The following CAMKMT variants were observed in gnomAD, a reference collection of about 807,000 sequenced individuals.
The protein encoded by CAMKMT is calmodulin-lysine N-methyltransferase, also known as CaM KMT.
In CAMKMT, 53 loss-of-function variants were observed where a neutral mutation model predicts 48.0. The observed-to-expected ratio is 1.10, with a 90% CI of 0.89 to 1.39. The LOEUF (loss-of-function observed/expected upper bound fraction) is 1.39. Ranked by LOEUF, CAMKMT falls within the 40% of genes most tolerant of loss-of-function variation. The probability of loss-of-function intolerance (pLI) is 0.00; values close to 1 mark genes in which losing one functional copy is unlikely to be tolerated. For synonymous variants in CAMKMT, 165 were observed against 152.3 expected (o/e 1.08, Z -0.61); for missense variants, 428 against 402.7 (o/e 1.06, Z -0.54).
In CAMKMT at chr2:44,521,190, A is replaced by G. The variant is rs531137246; in HGVS notation, c.376+130885A>G. Reference sequence around the variant, plus strand: ...AATGGTATGGATTTACGTTTATTAGATGCTCTGCTCATGGTAATACTGTTT... The same window carrying G: ...AATGGTATGGATTTACGTTTATTAGGTGCTCTGCTCATGGTAATACTGTTT... On this transcript the variant is annotated intron_variant, in intron 3 of 10. Coordinates refer to ENST00000378494, the MANE Select transcript of CAMKMT (RefSeq NM_024766.5). Among the ~76,000 whole-genome samples the G allele has an allele frequency of 7.2e-4, 110 of 152,344 alleles. 1 individual carries two copies. The highest frequency in any genetic ancestry group is 2.5e-3 in the African/African-American group (106 of 41,580).
intron 3 of CAMKMT, among the ~76,000 whole-genome samples, chr2:44,448,456 C>T (rs560084726): frequency 3.9e-5 from 6 of 152,066 alleles, no homozygotes; most frequent in African/African-American, 1.4e-4. Flanking sequence ...GGCTGTACAC[C>T]CAGGTATAAG....
At chr2:44,460,424 T>G (rs1202988773) in intron 3 of CAMKMT, among the ~76,000 whole-genome samples, 1 of 152,222 alleles carries the variant, frequency 6.6e-6, no homozygotes, top group Non-Finnish European at 1.5e-5. Context: ...ATTGTGAGTC[T>G]TTTTAGTGAT....
At chr2:44,437,361 C>G (rs1021701801) in intron 3 of CAMKMT, among the ~76,000 whole-genome samples, 2 of 152,074 alleles carry the variant, frequency 1.3e-5, no homozygotes, top group Non-Finnish European at 2.9e-5. Context: ...TGCTTCAATC[C>G]CTTTGCTTAA....
intron 3 of CAMKMT, among the ~76,000 whole-genome samples, chr2:44,525,979 G>C (rs1250841506): frequency 6.6e-6 from 1 of 151,980 alleles, no homozygotes; most frequent in African/African-American, 2.4e-5. Flanking sequence ...TTTAGCATTA[G>C]GTATATCTCC....
At chr2:44,525,372 C>T (rs1011915214) in intron 3 of CAMKMT, among the ~76,000 whole-genome samples, 6 of 152,084 alleles carry the variant, frequency 3.9e-5, no homozygotes, top group Non-Finnish European at 7.4e-5. Flanking sequence ...TCTCCTGCCT[C>T]AGCCTCCGAG....
rs1666635661 is a variant in CAMKMT at position 44,534,117 on chromosome 2, A to G, written c.376+143812A>G. On this transcript the variant is annotated intron_variant, in intron 3 of 10. Coordinates refer to ENST00000378494, the MANE Select transcript of CAMKMT (RefSeq NM_024766.5). ...ACAGACTTTAAGTCAAAACAGTAAA[A>G]AGACACAAAGAAAAGTTATATAATG... 2.6e-5 allele frequency among the ~76,000 whole-genome samples: 4 copies of G among 152,214 alleles called. No homozygotes were observed. In the South Asian group the frequency reaches 8.3e-4, roughly 31 times the overall value.
intron 2 of CAMKMT, among the ~76,000 whole-genome samples, chr2:44,388,657 G>C (rs778392217): frequency 1.3e-4 from 20 of 152,120 alleles, no homozygotes; most frequent in Admixed American, 9.8e-4. Context: ...GGAAGGTCTA[G>C]GGCTGAAGGC....
chr2:44,544,196 T>C (rs186182707), intron 3 of CAMKMT, among the ~76,000 whole-genome samples: 1 of 152,208 alleles, frequency 6.6e-6, no homozygotes, highest in East Asian at 1.9e-4. Flanking sequence ...GTCAATGAAA[T>C]TCTTTTCCTG....
chr2:44,644,744 G>A (rs1211072471), intron 3 of CAMKMT, among the ~76,000 whole-genome samples: 1 of 152,130 alleles, frequency 6.6e-6, no homozygotes, highest in Non-Finnish European at 1.5e-5. Flanking sequence ...GACTTTTATA[G>A]CTTGGGGTTT....
intron 3 of CAMKMT, among the ~76,000 whole-genome samples, chr2:44,502,926 A>T (rs563586843): frequency 6.6e-6 from 1 of 152,198 alleles, no homozygotes; most frequent in East Asian, 1.9e-4. Context: ...AACTCATCTA[A>T]TTATTTTTAG....
chr2:44,550,544 C>T (rs1174713578), intron 3 of CAMKMT: 2 of 152,198 alleles, frequency 1.3e-5, no homozygotes, highest in African/African-American at 4.8e-5. Context: ...TAAATGTCTA[C>T]TATAAAGTTA....
At chr2:44,493,021 G>A (rs1669584814) in intron 3 of CAMKMT, among the ~76,000 whole-genome samples, 1 of 151,750 alleles carries the variant, frequency 6.6e-6, no homozygotes, top group South Asian at 2.1e-4. Flanking sequence ...AGCCTCCTGA[G>A]TAGCTGGGAT....
intron 3 of CAMKMT, among the ~76,000 whole-genome samples, chr2:44,683,637 A>G (rs1227674698): frequency 6.6e-6 from 1 of 151,992 alleles, no homozygotes; most frequent in African/African-American, 2.4e-5. Flanking sequence ...TGGCTAACAC[A>G]GTGAAACCCC....
At chr2:44,531,558 A>C (rs567565875) in intron 3 of CAMKMT, among the ~76,000 whole-genome samples, 1 of 152,292 alleles carries the variant, frequency 6.6e-6, no homozygotes, top group African/African-American at 2.4e-5. Flanking sequence ...CCATAGGGTT[A>C]TTAGTCATGG....
chr2:44,728,662 A>T (rs1678918690), intron 7 of CAMKMT, among the ~76,000 whole-genome samples: 1 of 152,110 alleles, frequency 6.6e-6, no homozygotes, highest in African/African-American at 2.4e-5. Context: ...TGCTTCCAGG[A>T]ATGTATCCAT....
In CAMKMT at chr2:44,678,891, T is replaced by A. The variant is rs529053839; in HGVS notation, c.377-25392T>A. Among the ~76,000 whole-genome samples, 3 of 152,290 alleles carry A rather than the reference T, an allele frequency of 2.0e-5. No homozygotes were observed. In the East Asian group the frequency reaches 5.8e-4, roughly 29 times the overall value. On this transcript the variant is annotated intron_variant, in intron 3 of 10. Coordinates refer to ENST00000378494, the MANE Select transcript of CAMKMT (RefSeq NM_024766.5). ...ACTTTTCTTTATTCATAATTATCTA[T>A]CTTGGCCCAAATCCTATTTTTCTCC...
intron 3 of CAMKMT, among the ~76,000 whole-genome samples, chr2:44,403,100 G>A (rs1682543475): frequency 6.6e-6 from 1 of 152,018 alleles, no homozygotes; most frequent in Admixed American, 6.6e-5. Context: ...TTCCTCTGTG[G>A]GATGATCTGG....
chr2:44,468,602 G>A (rs1572583722), intron 3 of CAMKMT, among the ~76,000 whole-genome samples: 2 of 152,282 alleles, frequency 1.3e-5, no homozygotes, highest in East Asian at 3.9e-4. Context: ...ATCAATCTGT[G>A]TTCATCTAGA....
At chr2:44,631,400 T>C in intron 3 of CAMKMT, 1 of 496,944 alleles carries the variant, frequency 2.0e-6, no homozygotes, top group East Asian at 3.6e-5. Flanking sequence ...AGTATAATAA[T>C]AATAATAGTA....
Sources: gnomAD v4.1 joint callset for allele counts (sites outside exome capture counted in the v4.1 genomes callset) on GRCh38, gnomAD v4.1.1 for gene constraint, MANE v1.5 for transcripts, NCBI Gene and HGNC (gene_info 2026-07-23, HGNC 2026-07-21) for gene names.